MAP3K1: variants seen among roughly 807,000 people sequenced by gnomAD.
The protein encoded by MAP3K1 is MAP/ERK kinase kinase 1.
In MAP3K1, 36 loss-of-function variants were observed where a neutral mutation model predicts 144.2. That is an observed-to-expected ratio of 0.25 (90% CI 0.19 to 0.33). The LOEUF (loss-of-function observed/expected upper bound fraction) is 0.33, where lower values mean the gene tolerates loss of function less well. MAP3K1 is among the 10% of genes least tolerant of loss of function. The probability of loss-of-function intolerance (pLI) is 1.00; values close to 1 mark genes in which losing one functional copy is unlikely to be tolerated. For missense variants in MAP3K1, 1,650 were observed against 1,881.9 expected (o/e 0.88, Z 2.28); for synonymous variants, 718 against 688.7 (o/e 1.04, Z -0.67).
At chr5:56,844,173 G>GT (rs1221545772) in intron 1 of MAP3K1, among the ~76,000 whole-genome samples, 11 of 97,378 alleles carry the variant, frequency 1.1e-4, no homozygotes, top group East Asian at 2.8e-4. Flanking sequence ...TTATAGGATT[G>GT]TTTTTTTTGG....
chr5:56,820,450 T>G lies in MAP3K1; in HGVS notation c.482+4395T>G, dbSNP rs936322518. On this transcript the variant is annotated intron_variant, in intron 1 of 19. Transcript: ENST00000399503. ...TAGACCATGAGCTAGGTCTCTACCCTGTGCTAAGTTTGCCTGTTAATGTAT... is the reference window on the plus strand; with the variant it reads ...TAGACCATGAGCTAGGTCTCTACCCGGTGCTAAGTTTGCCTGTTAATGTAT... 2.5e-5 allele frequency: 25 copies of G among 985,084 alleles called. No homozygotes were observed. The African/African-American group carries it at 3.3e-4, about 13-fold the overall frequency. The allele number at this position is 985,084 out of a possible 1,614,324, so 61.0% of individuals were successfully genotyped here. A position where few individuals can be genotyped will look rare whatever the true frequency, so the allele number is the denominator to read the frequency against.
Position 56,815,649 on chromosome 5 carries a change from G to A in MAP3K1, c.76G>A (p.Gly26Ser), listed in dbSNP as rs950847304. 5 of 1,335,202 alleles carry A rather than the reference G, an allele frequency of 3.7e-6. No individual in the cohort carries two copies. Among genetic ancestry groups the A allele is most frequent in the African/African-American group, 1.5e-5 (1 of 65,486 alleles). 82.7% of individuals were successfully genotyped at this position (1,335,202 alleles called of 1,614,324 possible). A position where few individuals can be genotyped will look rare whatever the true frequency, so the allele number is the denominator to read the frequency against. ...CAGGGCTACGAGCCCTGAGGCAGGC[G>A]GCGGCGGAGGAGCCCTCAAGGCGAG... is the stretch of plus-strand genomic sequence containing the variant. ...GARATSPEAG[G>S]GGGALKASSA... The change falls in exon 1 of 20, where the codon GGC becomes AGC. Residue 26 changes from glycine to serine, a missense_variant. Gly to Ser is a moderately conservative substitution (Grantham distance 56). Transcript: ENST00000399503.
intron 1 of MAP3K1, among the ~76,000 whole-genome samples, chr5:56,838,558 C>T (rs1039481827): frequency 2.0e-5 from 3 of 152,254 alleles, no homozygotes; most frequent in African/African-American, 7.2e-5. Context: ...AATGTGCCTT[C>T]TCTTTCAAGT....
rs770169813 is a variant in MAP3K1 at position 56,844,183 on chromosome 5, G to GTTTTTTT, written c.483-12399_483-12393dup. The stretch of plus-strand genomic sequence containing the variant: ...TAGTATTATAGGATTGTTTTTTTTG[G>GTTTTTTT]TTTTTTTTTTTTTTTTTTTTTTTTG... On this transcript the variant is annotated intron_variant, in intron 1 of 19. Coordinates refer to ENST00000399503, the MANE Select transcript of MAP3K1 (RefSeq NM_005921.2). 5.0e-4 allele frequency among the ~76,000 whole-genome samples: 38 copies of GTTTTTTT among 76,102 alleles called. 1 individual carries two copies. The highest frequency in any genetic ancestry group is 7.9e-4 in the Admixed American group (4 of 5,092). 49.9% of individuals were successfully genotyped at this position (76,102 alleles called of 152,430 possible).
At chr5:56,875,686 C>G (rs1280868737) in intron 10 of MAP3K1, among the ~76,000 whole-genome samples, 1 of 151,576 alleles carries the variant, frequency 6.6e-6, no homozygotes, top group Non-Finnish European at 1.5e-5. Context: ...CTTCAGGCTG[C>G]TAAAGCCTAA....
At chr5:56,891,140 A>T (rs1380844556) in intron 19 of MAP3K1, among the ~76,000 whole-genome samples, 1 of 44,710 alleles carries the variant, frequency 2.2e-5, no homozygotes. Context: ...ACACACAGAC[A>T]CACACACACC....
At chr5:56,826,829 T>G (rs1464566420) in intron 1 of MAP3K1, among the ~76,000 whole-genome samples, 3 of 152,234 alleles carry the variant, frequency 2.0e-5, no homozygotes, top group African/African-American at 7.2e-5. Flanking sequence ...TGTCCATGCC[T>G]TCAAGAAACA....
At chr5:56,850,512 G>T (rs1747137273) in intron 1 of MAP3K1, among the ~76,000 whole-genome samples, 1 of 152,196 alleles carries the variant, frequency 6.6e-6, no homozygotes, top group Non-Finnish European at 1.5e-5. Flanking sequence ...AATCGTCACT[G>T]TTGTAAAAAC....
chr5:56,872,579 T>G, intron 7 of MAP3K1, 62 bp from the exon 8 acceptor site: 2 of 945,806 alleles, frequency 2.1e-6, no homozygotes, highest in Non-Finnish European at 3.4e-6. Context: ...TAAACAGTTA[T>G]GAAATAAAAA....
Position 56,895,455 on chromosome 5 carries a change from T to C in MAP3K1, c.*1775T>C. ...CATGTGCAAGCTTTAAAGGATGCAC[T>C]CTTGCCATTTTATGTACTGGAAGAT... On this transcript the variant is annotated 3_prime_UTR_variant, in exon 20 of 20. Coordinates refer to ENST00000399503, the MANE Select transcript of MAP3K1 (RefSeq NM_005921.2). The C allele has an allele frequency of 4.3e-6, 1 of 230,584 alleles. No homozygotes were observed. 14.3% of individuals were successfully genotyped at this position (230,584 alleles called of 1,614,324 possible).
In MAP3K1 at chr5:56,859,848, C is replaced by G; in HGVS notation, c.767C>G (p.Ser256Cys). Residue 256 changes from serine (S) to cysteine (C), a missense_variant, in exon 3 of 20, where the codon TCC becomes TGC. This residue lies in a region of MAP3K1 where 148 missense variants were observed against 177.2 expected (regional missense o/e 0.84). Transcript: ENST00000399503. ...KGRRSPSPGN[S>C]PSGRTVKSES... ...CGACGCAGTCCTTCTCCTGGCAACT[C>G]CCCATCAGGTCGCACAGTGAAATCA... The G allele has an allele frequency of 6.2e-7, 1 of 1,613,818 alleles. No homozygotes were observed. The highest frequency in any genetic ancestry group is 8.5e-7 in the Non-Finnish European group (1 of 1,179,904).
At position 56,872,888 on chromosome 5, in the gene MAP3K1, A is replaced by G; in HGVS notation, c.1569A>G (p.Val523=). ...TCAGAGCTGCACAGCAGCAAACCGTACAGCAGCAGCCTTTGGCTGGATCAC... is the reference window on the plus strand; with the variant it reads ...TCAGAGCTGCACAGCAGCAAACCGTGCAGCAGCAGCCTTTGGCTGGATCAC... ...SSLRAAQQQT[V]QQQPLAGSRR... The change falls in exon 9 of 20, where the codon GTA becomes GTG. Residue 523 remains valine (V), a synonymous_variant. Transcript: ENST00000399503. The G allele has an allele frequency of 6.2e-7, 1 of 1,614,132 alleles. No homozygotes were observed. Among genetic ancestry groups the G allele is most frequent in the Non-Finnish European group, 8.5e-7 (1 of 1,179,994 alleles).
intron 2 of MAP3K1, among the ~76,000 whole-genome samples, chr5:56,857,647 T>C (rs1470050594): frequency 6.6e-6 from 1 of 152,196 alleles, no homozygotes; most frequent in Admixed American, 6.5e-5. Context: ...AAAATTTAGT[T>C]CCTCAGTCTC....
chr5:56,854,577 TAAAA>T (rs1747279849), intron 1 of MAP3K1, among the ~76,000 whole-genome samples: 2 of 152,236 alleles, frequency 1.3e-5, no homozygotes, highest in African/African-American at 4.8e-5. Context: ...TTATTTATGA[TAAAA>T]GAAATTGGTC....
chr5:56,886,666 T>A (rs1445221029), intron 17 of MAP3K1, among the ~76,000 whole-genome samples: 1 of 152,176 alleles, frequency 6.6e-6, no homozygotes, highest in Non-Finnish European at 1.5e-5. Flanking sequence ...AGAAAGTTCC[T>A]TTTCCTGGTT....
intron 19 of MAP3K1, among the ~76,000 whole-genome samples, chr5:56,892,437 CAAG>C (rs1368594495): frequency 6.6e-6 from 1 of 151,218 alleles, no homozygotes; most frequent in Non-Finnish European, 1.5e-5. Context: ...ATGCTAAAGA[CAAG>C]AAGGAACCAA....
At chr5:56,890,859 C>T (rs1310997981) in intron 19 of MAP3K1, among the ~76,000 whole-genome samples, 7 of 151,002 alleles carry the variant, frequency 4.6e-5, no homozygotes, top group African/African-American at 1.5e-4. Context: ...GCAGCCTGGG[C>T]ATAGCGAGAC....
At chr5:56,850,517 A>G (rs1488149264) in intron 1 of MAP3K1, among the ~76,000 whole-genome samples, 1 of 152,244 alleles carries the variant, frequency 6.6e-6, no homozygotes, top group African/African-American at 2.4e-5. Context: ...TCACTGTTGT[A>G]AAAACTTACA....
At chr5:56,849,635 A>G (rs1055288087) in intron 1 of MAP3K1, among the ~76,000 whole-genome samples, 24 of 152,170 alleles carry the variant, frequency 1.6e-4, no homozygotes, top group African/African-American at 5.8e-4. Flanking sequence ...CGCCCTTCCA[A>G]TGGTTTATTT....
Sources: allele counts gnomAD v4.1 joint callset (sites outside exome capture counted in the v4.1 genomes callset), GRCh38; gene constraint gnomAD v4.1.1; regional missense constraint gnomAD v4.1.1; transcripts MANE v1.5; gene names NCBI Gene and HGNC (gene_info 2026-07-23, HGNC 2026-07-21).